The following EPM2A variants were observed in gnomAD, a reference collection of about 807,000 sequenced individuals.
EPM2A encodes EPM2A glucan phosphatase, laforin, also known as laforin.
EPM2A carries 21 observed loss-of-function variants against 26.5 expected under a neutral mutation model. The observed-to-expected ratio is 0.79, with a 90% CI of 0.56 to 1.14. The LOEUF (loss-of-function observed/expected upper bound fraction) is 1.14. Among genes scored for constraint, EPM2A ranks in the 50% most tolerant of loss-of-function variants. The pLI is 0.00. For synonymous variants in EPM2A, 217 were observed against 177.6 expected, an observed-to-expected ratio of 1.22 and a Z score of -1.76; for missense variants, 458 against 440.8, an observed-to-expected ratio of 1.04 and a Z score of -0.35.
intron 2 of EPM2A, among the ~76,000 whole-genome samples, chr6:145,588,330 C>T (rs1247975100): frequency 1.3e-5 from 2 of 152,034 alleles, no homozygotes; most frequent in South Asian, 2.1e-4. Flanking sequence ...CTTCATTTAA[C>T]AAGAATGGAC....
Position 145,720,214 on chromosome 6 carries a change from T to A in EPM2A, c.301+14984A>T, listed in dbSNP as rs139781266. Among the ~76,000 whole-genome samples, 420 of 152,280 alleles carry A rather than the reference T, an allele frequency of 2.8e-3. 5 individuals carry two copies. Among genetic ancestry groups the A allele is most frequent in the African/African-American group, 9.6e-3 (401 of 41,558 alleles). Reference sequence around the variant, plus strand: ...TGAAGTCTGTGCAAAAAAGCATACATAGCTCTGGAGTAAAGAACTTTTTAA... The same window carrying A: ...TGAAGTCTGTGCAAAAAAGCATACAAAGCTCTGGAGTAAAGAACTTTTTAA... On this transcript the variant is annotated intron_variant, in intron 1 of 3. Coordinates refer to ENST00000367519, the MANE Select transcript of EPM2A (RefSeq NM_005670.4).
intron 2 of EPM2A, among the ~76,000 whole-genome samples, chr6:145,540,999 T>C (rs1036565222): frequency 6.6e-6 from 1 of 152,150 alleles, no homozygotes; most frequent in African/African-American, 2.4e-5. Context: ...TTCAATTGTA[T>C]GTGAGGATGC....
intron 3 of EPM2A, chr6:145,627,921 C>G (rs1775949845): frequency 1.7e-6 from 1 of 603,740 alleles, no homozygotes; most frequent in Non-Finnish European, 2.9e-6. Flanking sequence ...TCTAATCCTT[C>G]CCTGGGTATT....
At chr6:145,413,340 G>A (rs947288790) in intron 4 of EPM2A, among the ~76,000 whole-genome samples, 1 of 152,138 alleles carries the variant, frequency 6.6e-6, no homozygotes, top group East Asian at 1.9e-4. Context: ...GGCCATTAAA[G>A]GTTTATGACA....
At chr6:145,467,503 C>A (rs1386464241) in intron 4 of EPM2A, among the ~76,000 whole-genome samples, 2 of 152,122 alleles carry the variant, frequency 1.3e-5, no homozygotes, top group African/African-American at 2.4e-5. Context: ...TGCTATACAG[C>A]TTTACACTAT....
chr6:145,396,278 C>T (rs1778404312), intron 4 of EPM2A, among the ~76,000 whole-genome samples: 1 of 152,270 alleles, frequency 6.6e-6, no homozygotes, highest in Non-Finnish European at 1.5e-5. Flanking sequence ...TCCTTCTTCC[C>T]GGGCTCCTTC....
chr6:145,708,109 T>A (rs1782329915), intron 1 of EPM2A, among the ~76,000 whole-genome samples: 1 of 152,178 alleles, frequency 6.6e-6, no homozygotes, highest in South Asian at 2.1e-4. Context: ...TCTGTGGAAC[T>A]TTGAACTTGA....
At chr6:145,718,453 T>C (rs1775765050) in intron 1 of EPM2A, among the ~76,000 whole-genome samples, 1 of 151,638 alleles carries the variant, frequency 6.6e-6, no homozygotes, top group South Asian at 2.1e-4. Flanking sequence ...CCTTACACTT[T>C]ATACAAAAAT....
chr6:145,664,872 C>T (rs1461421182), intron 2 of EPM2A, among the ~76,000 whole-genome samples: 1 of 151,426 alleles, frequency 6.6e-6, no homozygotes, highest in Non-Finnish European at 1.5e-5. Context: ...CTCAAAGCCA[C>T]TCAACTACAT....
At chr6:145,440,884 T>C (rs1324053370) in intron 4 of EPM2A, among the ~76,000 whole-genome samples, 1 of 152,212 alleles carries the variant, frequency 6.6e-6, no homozygotes, top group Admixed American at 6.5e-5. Flanking sequence ...ATTGAATGTA[T>C]GCAGCTTTTC....
At chr6:145,576,992 T>C (rs1041467841) in intron 2 of EPM2A, among the ~76,000 whole-genome samples, 5 of 151,074 alleles carry the variant, frequency 3.3e-5, no homozygotes, top group African/African-American at 9.7e-5. Flanking sequence ...ACAAGCTTCA[T>C]GGTAACCACA....
At chr6:145,591,176 TAAAAA>T (rs1284206915) in intron 2 of EPM2A, among the ~76,000 whole-genome samples, 4 of 151,152 alleles carry the variant, frequency 2.6e-5, no homozygotes, top group African/African-American at 9.7e-5. Flanking sequence ...ATTAAAAGAA[TAAAAA>T]AAGAATAAGA....
chr6:145,609,395 G>A (rs1379950012), intron 2 of EPM2A, among the ~76,000 whole-genome samples: 2 of 152,126 alleles, frequency 1.3e-5, no homozygotes, highest in African/African-American at 2.4e-5. Context: ...AAACTTTAAC[G>A]TGTTCACAAA....
intron 4 of EPM2A, among the ~76,000 whole-genome samples, chr6:145,401,698 A>G (rs1012409694): frequency 2.0e-5 from 3 of 152,140 alleles, no homozygotes; most frequent in African/African-American, 7.2e-5. Flanking sequence ...TCATTAATGG[A>G]CATTGCTTTA....
At chr6:145,530,810 A>G (rs1466772480) in intron 2 of EPM2A, among the ~76,000 whole-genome samples, 1 of 152,188 alleles carries the variant, frequency 6.6e-6, no homozygotes, top group East Asian at 1.9e-4. Context: ...ACAAGGGAGT[A>G]ATTAATTCTT....
intron 2 of EPM2A, chr6:145,682,323 C>T (rs781091074): frequency 6.6e-6 from 1 of 152,152 alleles, no homozygotes; most frequent in Non-Finnish European, 1.5e-5. Flanking sequence ...CTAGTCTCTC[C>T]TACAACACAT....
intron 2 of EPM2A, chr6:145,680,104 T>C (rs1583039382): frequency 6.6e-6 from 1 of 151,956 alleles, no homozygotes; most frequent in East Asian, 1.9e-4. Context: ...TAGCAAATTA[T>C]GAACTTAAAG....
At chr6:145,704,156 TA>T (rs1277640468) in intron 1 of EPM2A, among the ~76,000 whole-genome samples, 1 of 152,202 alleles carries the variant, frequency 6.6e-6, no homozygotes, top group Non-Finnish European at 1.5e-5. Context: ...TTGCTAAGCT[TA>T]AAGAGACTGC....
chr6:145,652,718 CCTTA>C (rs1777971888), intron 2 of EPM2A, among the ~76,000 whole-genome samples: 1 of 151,530 alleles, frequency 6.6e-6, no homozygotes, highest in Admixed American at 6.6e-5. Context: ...ACTTCTATTA[CCTTA>C]CTTAATCTAC....
Sources: gnomAD v4.1 joint callset for allele counts (sites outside exome capture counted in the v4.1 genomes callset) on GRCh38, gnomAD v4.1.1 for gene constraint, MANE v1.5 for transcripts, NCBI Gene and HGNC (gene_info 2026-07-23, HGNC 2026-07-21) for gene names.